The following IL1RAPL1 variants were observed in gnomAD, a reference collection of about 807,000 sequenced individuals.
IL1RAPL1 encodes the protein interleukin 1 receptor accessory protein like 1.
Under a neutral mutation model 48.4 loss-of-function variants are expected in IL1RAPL1, and 3 were observed. That is an observed-to-expected ratio of 0.06 (90% CI 0.03 to 0.16). The LOEUF is 0.16. IL1RAPL1 is among the 10% of genes least tolerant of loss of function. The probability of loss-of-function intolerance (pLI) is 1.00; values close to 1 mark genes in which losing one functional copy is unlikely to be tolerated. For synonymous variants in IL1RAPL1, 185 were observed against 187.7 expected, an observed-to-expected ratio of 0.99 and a Z score of 0.12; for missense variants, 349 against 530.6, an observed-to-expected ratio of 0.66 and a Z score of 3.36.
At chrX:29,459,451 T>C (rs1363430371) in intron 5 of IL1RAPL1, among the ~76,000 whole-genome samples, 1 of 111,069 alleles carries the variant, frequency 9.0e-6, no homozygotes, top group East Asian at 2.8e-4. Context: ...GAAACCACAC[T>C]GGAAGACAGT....
intron 2 of IL1RAPL1, among the ~76,000 whole-genome samples, chrX:28,945,808 A>G (rs1924284047): frequency 9.2e-6 from 1 of 109,186 alleles, no homozygotes; most frequent in South Asian, 3.9e-4. Context: ...TTAGTTGTTT[A>G]ATGAGGGTAT....
intron 2 of IL1RAPL1, among the ~76,000 whole-genome samples, chrX:29,241,003 T>C (rs1212636032): frequency 8.9e-6 from 1 of 112,598 alleles, no homozygotes; most frequent in Non-Finnish European, 1.9e-5. Flanking sequence ...TTCAGGTCAA[T>C]TCTAAATTCC....
chrX:28,686,506 A>G (rs141028141), intron 1 of IL1RAPL1, among the ~76,000 whole-genome samples: 1 of 111,950 alleles, frequency 8.9e-6, no homozygotes, highest in Non-Finnish European at 1.9e-5. Flanking sequence ...ATGCCCTTGG[A>G]CATTTGGTTA....
intron 6 of IL1RAPL1, among the ~76,000 whole-genome samples, chrX:29,821,725 T>C (rs1380104303): frequency 8.9e-6 from 1 of 112,442 alleles, no homozygotes; most frequent in Admixed American, 9.4e-5. Flanking sequence ...TTATATAGCA[T>C]TGATGATTTT....
intron 2 of IL1RAPL1, among the ~76,000 whole-genome samples, chrX:29,114,527 G>A (rs1447766803): frequency 9.0e-6 from 1 of 111,179 alleles, no homozygotes; most frequent in African/African-American, 3.3e-5. Context: ...TTCAAATATT[G>A]TCTCTTTAAA....
intron 2 of IL1RAPL1, among the ~76,000 whole-genome samples, chrX:29,141,140 A>G (rs1036183393): frequency 1.8e-5 from 2 of 110,878 alleles, no homozygotes; most frequent in African/African-American, 6.6e-5. Context: ...AAGACTATTT[A>G]TAAAGCTTGT....
chrX:28,951,278 AT>A (rs915904692), intron 2 of IL1RAPL1, among the ~76,000 whole-genome samples: 3 of 110,192 alleles, frequency 2.7e-5, no homozygotes, highest in Admixed American at 9.7e-5. Flanking sequence ...ATAAAAAAAA[AT>A]GTTCAAGGAT....
At chrX:29,098,927 G>T (rs1258919878) in intron 2 of IL1RAPL1, among the ~76,000 whole-genome samples, 1 of 111,873 alleles carries the variant, frequency 8.9e-6, no homozygotes, top group Non-Finnish European at 1.9e-5. Context: ...GAGGCTGGTG[G>T]ATCATCTGAG....
chrX:29,952,085 T>G (rs1933329882), intron 9 of IL1RAPL1, among the ~76,000 whole-genome samples: 1 of 111,950 alleles, frequency 8.9e-6, no homozygotes. Context: ...AAGGCGATAT[T>G]TATCTGAAAT....
At chrX:29,145,481 A>C (rs770655773) in intron 2 of IL1RAPL1, among the ~76,000 whole-genome samples, 176 of 112,380 alleles carry the variant, frequency 1.6e-3, no homozygotes, top group Non-Finnish European at 2.7e-3. Context: ...CTCCTTAAAC[A>C]CTGAAGTGAG....
intron 5 of IL1RAPL1, among the ~76,000 whole-genome samples, chrX:29,653,731 G>A (rs1397840971): frequency 9.1e-6 from 1 of 110,031 alleles, no homozygotes; most frequent in Non-Finnish European, 1.9e-5. Flanking sequence ...CTTCTCTGGT[G>A]GGAGATTATT....
At chrX:29,371,548 T>G (rs1602200384) in intron 3 of IL1RAPL1, among the ~76,000 whole-genome samples, 1 of 111,715 alleles carries the variant, frequency 9.0e-6, no homozygotes, top group East Asian at 2.8e-4. Context: ...CCCAGGTAAG[T>G]GAGCATAGTA....
chrX:28,989,707 A>G (rs1925557062), intron 2 of IL1RAPL1, among the ~76,000 whole-genome samples: 1 of 112,301 alleles, frequency 8.9e-6, no homozygotes. Flanking sequence ...TTCTTAGATA[A>G]TTTAATCAAG....
At chrX:28,778,750 A>G (rs1212915295) in intron 1 of IL1RAPL1, among the ~76,000 whole-genome samples, 1 of 111,789 alleles carries the variant, frequency 8.9e-6, no homozygotes, top group East Asian at 2.8e-4. Context: ...TATGAAACAT[A>G]TCAATTTCCC....
intron 2 of IL1RAPL1, among the ~76,000 whole-genome samples, chrX:28,921,183 G>T (rs1320848524): frequency 9.0e-6 from 1 of 110,838 alleles, no homozygotes; most frequent in African/African-American, 3.3e-5. Context: ...CTGTGGAGTT[G>T]GGACAAATGG....
intron 6 of IL1RAPL1, among the ~76,000 whole-genome samples, chrX:29,802,571 G>T (rs1929936405): frequency 1.1e-5 from 1 of 94,060 alleles, no homozygotes; most frequent in Non-Finnish European, 2.1e-5. Context: ...AAATTGCTGT[G>T]AAATTTACTA....
At chrX:29,148,323 G>C (rs1448418036) in intron 2 of IL1RAPL1, among the ~76,000 whole-genome samples, 2 of 111,598 alleles carry the variant, frequency 1.8e-5, no homozygotes, top group African/African-American at 6.5e-5. Context: ...ATTCTCACAA[G>C]AGTAAAAGAA....
chrX:29,089,964 C>G (rs1464886942), intron 2 of IL1RAPL1, among the ~76,000 whole-genome samples: 1 of 105,244 alleles, frequency 9.5e-6, no homozygotes, highest in Non-Finnish European at 1.9e-5. Context: ...TTCATTTCAT[C>G]CCAGAGAAAT....
At chrX:28,783,765 G>A (rs765902020) in intron 1 of IL1RAPL1, among the ~76,000 whole-genome samples, 31 of 111,299 alleles carry the variant, frequency 2.8e-4, no homozygotes, top group Admixed American at 2.6e-3. Flanking sequence ...AGTCATTAAT[G>A]AACTCCCTCT....
Sources: allele counts gnomAD v4.1 joint callset (sites outside exome capture counted in the v4.1 genomes callset), GRCh38; gene constraint gnomAD v4.1.1; transcripts MANE v1.5; gene names NCBI Gene and HGNC (gene_info 2026-07-23, HGNC 2026-07-21).